Variants in SUSD1 observed in about 807,000 individuals in gnomAD.
SUSD1 encodes the protein sushi domain-containing protein 1.
Under a neutral mutation model 86.9 loss-of-function variants are expected in SUSD1, and 65 were observed. That is an observed-to-expected ratio of 0.75 (90% CI 0.61 to 0.92). The LOEUF is 0.92. Ranked by LOEUF, SUSD1 falls within the 40% of genes least tolerant of loss-of-function variation. SUSD1 has a pLI of 0.00. For synonymous variants in SUSD1, 346 were observed against 350.0 expected, an observed-to-expected ratio of 0.99 and a Z score of 0.13; for missense variants, 850 against 929.7, an observed-to-expected ratio of 0.91 and a Z score of 1.11.
intron 5 of SUSD1, among the ~76,000 whole-genome samples, chr9:112,138,277 A>ATGTATATACACATATATATG (rs1299940439): frequency 7.5e-6 from 1 of 133,154 alleles, no homozygotes; most frequent in African/African-American, 2.8e-5. Context: ...ATATATATAT[A>ATGTATATACACATATATATG]TATGAAGTCC....
chr9:112,052,407 T>G lies in SUSD1; in HGVS notation c.2141A>C (p.Gln714Pro), dbSNP rs990595595. 2.5e-6 allele frequency: 4 copies of G among 1,614,064 alleles called. No individual in the cohort carries two copies. The highest frequency in any genetic ancestry group is 3.3e-4 in the Middle Eastern group (2 of 6,062). ...GCAGAAAATAATTTTACCTTTCACC[T>G]GAGCCCAAACTGCACAGGAGTGTCT... ...VRRHSCAVWA[Q>P]VKDSSLMLLQ... is the part of the protein sequence containing the mutation. Residue 714 changes from glutamine to proline, a missense_variant, in exon 15 of 17, where the codon CAG becomes CCG. Transcript: ENST00000374270.
chr9:112,142,317 C>T lies in SUSD1; in HGVS notation c.706+3G>A, dbSNP rs1408942265. On this transcript the variant is annotated splice_donor_region_variant and intron_variant, in intron 5 of 16. Transcript: ENST00000374270. Reference sequence around the variant, plus strand: ...TGGGAACCTGTATTTTTTGAAAACTCACCTTGGCAATGTAATTTTGGGGAC... The same window carrying T: ...TGGGAACCTGTATTTTTTGAAAACTTACCTTGGCAATGTAATTTTGGGGAC... 1 of 1,558,148 alleles carries T rather than the reference C, an allele frequency of 6.4e-7. No individual in the cohort carries two copies. The highest frequency in any genetic ancestry group is 1.2e-5 in the South Asian group (1 of 81,568).
At chr9:112,151,031 C>T (rs1183567923) in intron 2 of SUSD1, among the ~76,000 whole-genome samples, 19 of 152,212 alleles carry the variant, frequency 1.2e-4, no homozygotes, top group Admixed American at 1.2e-3. Flanking sequence ...AACTCCTGGG[C>T]TCAAGCAATC....
At chr9:112,112,426 G>A (rs1324087368) in intron 7 of SUSD1, among the ~76,000 whole-genome samples, 1 of 152,130 alleles carries the variant, frequency 6.6e-6, no homozygotes, top group African/African-American at 2.4e-5. Context: ...TCTGAGGTCA[G>A]AAGTTCAAGA....
chr9:112,139,830 T>C (rs1832480227), intron 5 of SUSD1, among the ~76,000 whole-genome samples: 1 of 152,200 alleles, frequency 6.6e-6, no homozygotes, highest in Non-Finnish European at 1.5e-5. Flanking sequence ...CTTTAGATTA[T>C]GGACATATAG....
rs1829701720 is a variant in SUSD1 at position 112,080,109 on chromosome 9, T to C, written c.1531A>G (p.Ser511Gly). Residue 511 changes from serine (S) to glycine (G), a missense_variant, in exon 11 of 17, where the codon AGC becomes GGC. Physicochemically the swap from Ser to Gly is moderately conservative, Grantham distance 56 (BLOSUM62 0). Transcript: ENST00000374270. ...GFNETCLRWR[S>G]IKTADMEEMY... ...TCCTCCATATCAGCTGTCTTGATGC[T>C]TCTCCATCTCAAGCAGGTTTCATTA... 1 of 1,613,686 alleles carries C rather than the reference T, an allele frequency of 6.2e-7. No individual in the cohort carries two copies. Among genetic ancestry groups the C allele is most frequent in the East Asian group, 2.2e-5 (1 of 44,844 alleles).
chr9:112,061,043 G>A lies in SUSD1; in HGVS notation c.1850+1894C>T, dbSNP rs141039731. 7.9e-5 allele frequency among the ~76,000 whole-genome samples: 12 copies of A among 152,236 alleles called. No homozygotes were observed. The East Asian group carries it at 2.1e-3, about 27-fold the overall frequency. On this transcript the variant is annotated intron_variant, in intron 13 of 16. Coordinates refer to ENST00000374270, the MANE Select transcript of SUSD1 (RefSeq NM_022486.5). ...CGACCTCATACCGACCTACTGAATC[G>A]AAATCTCTAGGAGTAGATTCTGGGA...
In SUSD1 at chr9:112,098,617, C is replaced by A. The variant is rs748822288; in HGVS notation, c.1327G>T (p.Ala443Ser). 3.9e-5 allele frequency: 63 copies of A among 1,614,056 alleles called. No individual in the cohort carries two copies. Among genetic ancestry groups the A allele is most frequent in the Admixed American group, 1.0e-4 (6 of 60,000 alleles). Residue 443 changes from alanine to serine, a missense_variant, in exon 10 of 17, where the codon GCA becomes TCA. By Grantham distance (99) the Ala-to-Ser change is moderately conservative. Coordinates refer to ENST00000374270, the MANE Select transcript of SUSD1 (RefSeq NM_022486.5). ...QRWYLANFSH[A>S]TSFNFTTREQ... Reference sequence around the variant, plus strand: ...CTCGTTGTGAAGTTAAACGATGTTGCATGAGAAAAGTTAGCCAGATACCAC... The same window carrying A: ...CTCGTTGTGAAGTTAAACGATGTTGAATGAGAAAAGTTAGCCAGATACCAC...
At chr9:112,091,097 C>T (rs1301550408) in intron 10 of SUSD1, among the ~76,000 whole-genome samples, 2 of 152,226 alleles carry the variant, frequency 1.3e-5, no homozygotes, top group African/African-American at 2.4e-5. Context: ...ATACTTGGCA[C>T]ATTCAGATGA....
At chr9:112,078,263 T>C (rs902707567) in intron 12 of SUSD1, among the ~76,000 whole-genome samples, 2 of 152,108 alleles carry the variant, frequency 1.3e-5, no homozygotes, top group Admixed American at 6.5e-5. Flanking sequence ...AGGAGGATCA[T>C]TTAAGCCCAG....
At chr9:112,152,394 T>G (rs1313868288) in intron 2 of SUSD1, among the ~76,000 whole-genome samples, 3 of 151,730 alleles carry the variant, frequency 2.0e-5, no homozygotes, top group Non-Finnish European at 4.4e-5. Context: ...TCTATATGGT[T>G]TTTTTTGTTT....
At chr9:112,136,519 C>T (rs185031559) in intron 5 of SUSD1, among the ~76,000 whole-genome samples, 1 of 152,310 alleles carries the variant, frequency 6.6e-6, no homozygotes, top group East Asian at 1.9e-4. Flanking sequence ...TAGGTGTAAG[C>T]CATCATGCCC....
chr9:112,059,678 A>G (rs1325454058), intron 13 of SUSD1, among the ~76,000 whole-genome samples: 1 of 152,244 alleles, frequency 6.6e-6, no homozygotes, highest in Non-Finnish European at 1.5e-5. Context: ...ACACACTAAC[A>G]AATGGGTATT....
At chr9:112,062,149 T>A (rs1217230485) in intron 13 of SUSD1, among the ~76,000 whole-genome samples, 2 of 152,138 alleles carry the variant, frequency 1.3e-5, no homozygotes, top group Non-Finnish European at 2.9e-5. Context: ...AAGATTTACC[T>A]AAATGATCTT....
intron 1 of SUSD1, among the ~76,000 whole-genome samples, chr9:112,170,876 A>AT (rs1180720602): frequency 8.6e-5 from 13 of 151,346 alleles, no homozygotes; most frequent in Admixed American, 7.2e-4. Flanking sequence ...GGCCCGGCCA[A>AT]TTTTTTTTGT....
rs1257584862 is a variant in SUSD1, at chr9:112,175,158, G to T, written c.78C>A (p.Gly26=). The T allele has an allele frequency of 5.5e-6, 6 of 1,085,354 alleles. No homozygotes were observed. In the East Asian group the frequency reaches 2.4e-4, roughly 43 times the overall value. The allele number at this position is 1,085,354 out of a possible 1,614,324, so 67.2% of individuals were successfully genotyped here. The change falls in exon 1 of 17, where the codon GGC becomes GGA. Residue 26 remains glycine, a synonymous_variant. Transcript: ENST00000374270. This position sits in a 1 kb window ranked among gnomAD's most constrained non-coding sequence, Gnocchi z 4.7. The part of the protein sequence containing the change: ...PLLLLLGLAR[G]AAGAPGPDGL... ...CGTCGGGGCCCGGCGCTCCCGCGGC[G>T]CCGCGGGCCAGGCCGAGCAGCAGCA...
At chr9:112,066,573 C>T (rs1295781996) in intron 12 of SUSD1, among the ~76,000 whole-genome samples, 1 of 152,108 alleles carries the variant, frequency 6.6e-6, no homozygotes, top group Non-Finnish European at 1.5e-5. Flanking sequence ...TGGAAGAGAC[C>T]ATGGAAAGCT....
intron 8 of SUSD1, chr9:112,103,102 A>G: frequency 2.2e-6 from 1 of 451,154 alleles, no homozygotes; most frequent in South Asian, 1.7e-5. Context: ...GTAAATGTCT[A>G]CCAGAGAGAA....
intron 1 of SUSD1, chr9:112,173,815 C>T (rs1834150545): frequency 7.2e-6 from 2 of 277,048 alleles, no homozygotes; most frequent in Admixed American, 7.0e-5. Context: ...TTCTTTAGGC[C>T]CCTCTTATTG....
Sources: allele counts gnomAD v4.1 joint callset (sites outside exome capture counted in the v4.1 genomes callset), GRCh38; gene constraint gnomAD v4.1.1; non-coding constraint Gnocchi (gnomAD v3.1); transcripts MANE v1.5; gene names NCBI Gene and HGNC (gene_info 2026-07-23, HGNC 2026-07-21).